RPS29: variants seen among roughly 807,000 people sequenced by gnomAD.
The protein encoded by RPS29 is ribosomal protein S29.
For missense variants in RPS29, 60 were observed against 75.7 expected (o/e 0.79, Z 0.77); for synonymous variants, 37 against 26.9 (o/e 1.37, Z -1.16).
chr14:49,573,276 T>C (rs573353751), exon 3 of RPS29: 28 of 152,152 alleles, frequency 1.8e-4, no homozygotes, highest in African/African-American at 5.1e-4. Context: ...GAGACCAGAC[T>C]GGCCAACATG....
At chr14:49,576,793 A>AT (rs1881194700) in exon 3 of RPS29, 1 of 152,200 alleles carries the variant, frequency 6.6e-6, no homozygotes. Flanking sequence ...TGATGGTTTT[A>AT]TAAGGGATAT....
chr14:49,576,293 G>C (rs1298734756), exon 3 of RPS29: 1 of 151,788 alleles, frequency 6.6e-6, no homozygotes, highest in Non-Finnish European at 1.5e-5. Context: ...GGTAGATAGG[G>C]GATCTCCTGA....
At chr14:49,579,727 A>G (rs528067719), downstream of RPS29, among the ~76,000 whole-genome samples, 1 of 152,296 alleles carries the variant, frequency 6.6e-6, no homozygotes, top group South Asian at 2.1e-4. Flanking sequence ...TATGCATGTA[A>G]ATATGAAAGG....
chr14:49,585,768 A>T, intron 2 of RPS29, 182 bp downstream of exon 2: 1 of 587,500 alleles, frequency 1.7e-6, no homozygotes, highest in Non-Finnish European at 3.1e-6. Flanking sequence ...CATTCTATTA[A>T]TTTGATTGCC....
At chr14:49,589,139 C>T (rs562807301), upstream of RPS29, among the ~76,000 whole-genome samples, 14 of 152,062 alleles carry the variant, frequency 9.2e-5, no homozygotes, top group South Asian at 6.2e-4. Context: ...ATGATCCGCC[C>T]GCCTCGACCT....
upstream of RPS29, among the ~76,000 whole-genome samples, chr14:49,588,138 T>A (rs552504632): frequency 1.3e-5 from 2 of 152,324 alleles, no homozygotes; most frequent in South Asian, 4.1e-4. Flanking sequence ...CTAGTTGGTC[T>A]CCACAATATT....
chr14:49,583,014 A>C (rs1014804282), downstream of RPS29, among the ~76,000 whole-genome samples: 2 of 151,966 alleles, frequency 1.3e-5, no homozygotes, highest in Non-Finnish European at 2.9e-5. Context: ...TCCTTAAAAC[A>C]TTTTTTTCTT....
chr14:49,573,103 G>GAAGGAAA (rs1566473648), exon 3 of RPS29: 22 of 142,438 alleles, frequency 1.5e-4, no homozygotes, highest in African/African-American at 5.8e-4. Context: ...AAAGAAAGAA[G>GAAGGAAA]GAAAGAAAGA....
chr14:49,571,101 C>T (rs1881044816), exon 3 of RPS29: 1 of 152,148 alleles, frequency 6.6e-6, no homozygotes, highest in Non-Finnish European at 1.5e-5. Flanking sequence ...GTACCATTTC[C>T]ACGAGTTTAG....
At chr14:49,592,189 T>A (rs1284644953) in intron 1 of RPS29, 1 of 152,044 alleles carries the variant, frequency 6.6e-6, no homozygotes, top group Non-Finnish European at 1.5e-5. Context: ...TTAAATTTGT[T>A]TATGGTATAT....
chr14:49,573,941 T>C (rs1415161295), exon 3 of RPS29: 3 of 152,218 alleles, frequency 2.0e-5, no homozygotes, highest in African/African-American at 7.2e-5. Context: ...ACTAAACAGA[T>C]TGCCAAGAGG....
exon 3 of RPS29, chr14:49,575,996 A>G (rs931710702): frequency 2.6e-5 from 4 of 152,230 alleles, no homozygotes; most frequent in Non-Finnish European, 4.4e-5. Context: ...ACTAGCACAC[A>G]TAATCTAGGC....
intron 1 of RPS29, chr14:49,598,081 G>T (rs1881876129): frequency 6.4e-6 from 2 of 314,840 alleles, no homozygotes; most frequent in South Asian, 1.8e-4. Flanking sequence ...TGTCACAGTT[G>T]TATTGAAAAA....
chr14:49,596,700 A>G (rs1356946867), intron 1 of RPS29, among the ~76,000 whole-genome samples: 1 of 151,936 alleles, frequency 6.6e-6, no homozygotes. Context: ...TGTAACTTTC[A>G]TCTATTTATT....
At chr14:49,598,652 A>C (rs1480023509) in exon 1 of RPS29, 1 of 700,794 alleles carries the variant, frequency 1.4e-6, no homozygotes, top group South Asian at 1.5e-5. Context: ...GCAACGCGTA[A>C]AGCGTCAACA....
chr14:49,586,048 G>T lies in RPS29; in HGVS notation c.64C>A (p.Arg22Ser). ...AGACCGTGCCGGTTTGAACAGACAC[G>T]ACTGTAAGAAAAGAGACAGCGGTTT... ...RKFGQGSRSC[R>S]VCSNRHGLIR... The change falls in exon 2 of 3, where the codon CGT becomes AGT. Residue 22 changes from arginine (R) to serine (S), a missense_variant and splice_region_variant. Coordinates refer to ENST00000245458, the MANE Select transcript of RPS29 (RefSeq NM_001032.5). 6.2e-7 allele frequency: 1 copy of T among 1,612,106 alleles called. No individual in the cohort carries two copies. The highest frequency in any genetic ancestry group is 1.1e-5 in the South Asian group (1 of 91,036).
downstream of RPS29, among the ~76,000 whole-genome samples, chr14:49,580,346 T>A (rs1881299578): frequency 1.3e-5 from 2 of 152,202 alleles, no homozygotes; most frequent in Non-Finnish European, 2.9e-5. Flanking sequence ...CTTTTCTACA[T>A]CCTCAACCTC....
chr14:49,571,501 T>C (rs543615967), exon 3 of RPS29: 18 of 152,322 alleles, frequency 1.2e-4, no homozygotes, highest in African/African-American at 4.3e-4. Flanking sequence ...GGCTGGAAGA[T>C]GAGATGACCC....
chr14:49,577,811 G>A, exon 3 of RPS29: 1 of 1,602,430 alleles, frequency 6.2e-7, no homozygotes, highest in Non-Finnish European at 8.5e-7. Flanking sequence ...GGAGATGGGT[G>A]TCACCTCCAT....
Sources: gnomAD v4.1 joint callset for allele counts (sites outside exome capture counted in the v4.1 genomes callset) on GRCh38, gnomAD v4.1.1 for gene constraint, MANE v1.5 for transcripts, NCBI Gene and HGNC (gene_info 2026-07-23, HGNC 2026-07-21) for gene names.